KIAA1217: variants seen among roughly 807,000 people sequenced by gnomAD.
KIAA1217 encodes the protein sickle tail protein homolog.
KIAA1217 carries 88 observed loss-of-function variants against 163.9 expected under a neutral mutation model. That is an observed-to-expected ratio of 0.54 (90% CI 0.45 to 0.64). KIAA1217 has a LOEUF of 0.64. KIAA1217 is among the 30% of genes least tolerant of loss of function. The pLI, the probability that KIAA1217 is intolerant of heterozygous loss-of-function variation, is 0.00. For missense variants in KIAA1217, 2,372 were observed against 2,475.0 expected (o/e 0.96, Z 0.88); for synonymous variants, 903 against 923.1 (o/e 0.98, Z 0.39).
chr10:23,887,478 T>C (rs1046059079), intron 1 of KIAA1217, among the ~76,000 whole-genome samples: 1 of 151,884 alleles, frequency 6.6e-6, no homozygotes, highest in Non-Finnish European at 1.5e-5. Flanking sequence ...GTGAGGCTTT[T>C]CACATCTCTG....
chr10:23,962,311 G>C (rs1237729153), intron 1 of KIAA1217, among the ~76,000 whole-genome samples: 1 of 152,194 alleles, frequency 6.6e-6, no homozygotes, highest in African/African-American at 2.4e-5. Context: ...GGTATATGAA[G>C]TACCTACTTC....
At chr10:23,880,427 G>A (rs773135042) in intron 1 of KIAA1217, among the ~76,000 whole-genome samples, 5 of 151,924 alleles carry the variant, frequency 3.3e-5, no homozygotes, top group Non-Finnish European at 7.4e-5. Context: ...AGATAGAGTA[G>A]AAGGATGGTT....
chr10:23,816,517 T>C (rs1837321038), intron 1 of KIAA1217, among the ~76,000 whole-genome samples: 2 of 152,284 alleles, frequency 1.3e-5, no homozygotes, highest in Middle Eastern at 3.4e-3. Context: ...TGTCTCAAAC[T>C]CCTGGCCGGG....
intron 2 of KIAA1217, among the ~76,000 whole-genome samples, chr10:24,290,349 A>C (rs1012779729): frequency 6.6e-6 from 1 of 152,106 alleles, no homozygotes; most frequent in Non-Finnish European, 1.5e-5. Flanking sequence ...CTCTGAAAAC[A>C]TGATTTTAAT....
intron 2 of KIAA1217, among the ~76,000 whole-genome samples, chr10:24,372,619 G>A (rs535706258): frequency 6.6e-6 from 1 of 152,044 alleles, no homozygotes; most frequent in African/African-American, 2.4e-5. Flanking sequence ...AAACCTGCAC[G>A]CCAAAATAAA....
At chr10:23,797,601 G>C (rs1836267166) in intron 1 of KIAA1217, among the ~76,000 whole-genome samples, 1 of 152,144 alleles carries the variant, frequency 6.6e-6, no homozygotes, top group Non-Finnish European at 1.5e-5. Flanking sequence ...AATCATGGCG[G>C]AAGGTGAAGA....
At chr10:24,276,870 A>G (rs187105249) in intron 2 of KIAA1217, among the ~76,000 whole-genome samples, 1 of 152,096 alleles carries the variant, frequency 6.6e-6, no homozygotes, top group Non-Finnish European at 1.5e-5. Context: ...AGCCTCTCAA[A>G]GTGCTGGGAT....
At chr10:23,829,947 A>G (rs1214339223) in intron 1 of KIAA1217, among the ~76,000 whole-genome samples, 1 of 152,224 alleles carries the variant, frequency 6.6e-6, no homozygotes, top group Non-Finnish European at 1.5e-5. Context: ...GGAAGTAATT[A>G]GATCAAAGAA....
intron 2 of KIAA1217, among the ~76,000 whole-genome samples, chr10:24,054,298 C>T (rs112816897): frequency 1.3e-4 from 20 of 152,240 alleles, no homozygotes; most frequent in African/African-American, 3.4e-4. Context: ...ATCTAGAGAT[C>T]AGGGCAGGAC....
Position 24,547,227 on chromosome 10 carries a change from A to G in KIAA1217, c.*903A>G, listed in dbSNP as rs1210444136. 6.6e-6 allele frequency: 1 copy of G among 152,602 alleles called. No individual in the cohort carries two copies. Among genetic ancestry groups the G allele is most frequent in the African/African-American group, 2.4e-5 (1 of 41,436 alleles). The allele number at this position is 152,602 out of a possible 1,614,324, so 9.5% of individuals were successfully genotyped here. A position where few individuals can be genotyped will look rare whatever the true frequency, so the allele number is the denominator to read the frequency against. On this transcript the variant is annotated 3_prime_UTR_variant, in exon 21 of 21. Coordinates refer to ENST00000376454, the MANE Select transcript of KIAA1217 (RefSeq NM_019590.5). ...TAAACCGAAAAACTTTTGTAAATAT[A>G]TAAATATACATAGACATAAAAATAC...
At chr10:23,989,895 T>C (rs955298418) in intron 1 of KIAA1217, among the ~76,000 whole-genome samples, 2 of 152,178 alleles carry the variant, frequency 1.3e-5, no homozygotes, top group African/African-American at 2.4e-5. Flanking sequence ...GCCTCTTTTC[T>C]AGTCAGAAAA....
intron 2 of KIAA1217, among the ~76,000 whole-genome samples, chr10:24,255,905 C>G (rs1358997874): frequency 6.6e-6 from 1 of 152,016 alleles, no homozygotes; most frequent in African/African-American, 2.4e-5. Flanking sequence ...TTCTTTGATT[C>G]TACAGGATGT....
At chr10:24,474,536 G>C (rs2063811933) in intron 6 of KIAA1217, among the ~76,000 whole-genome samples, 2 of 152,178 alleles carry the variant, frequency 1.3e-5, no homozygotes, top group African/African-American at 4.8e-5. Flanking sequence ...TCTGGTTGTG[G>C]GAAGTGGAAA....
intron 2 of KIAA1217, among the ~76,000 whole-genome samples, chr10:24,127,361 G>A (rs2063504322): frequency 6.6e-6 from 1 of 152,140 alleles, no homozygotes; most frequent in African/African-American, 2.4e-5. Flanking sequence ...TTTTCAGGGA[G>A]TATATTGCAG....
chr10:23,748,881 G>A (rs1421122430), intron 1 of KIAA1217, among the ~76,000 whole-genome samples: 3 of 151,956 alleles, frequency 2.0e-5, no homozygotes, highest in Non-Finnish European at 2.9e-5. Context: ...CAAGTCTAGG[G>A]TAATGTCAGT....
chr10:24,278,864 T>TC (rs1447066264), intron 2 of KIAA1217, among the ~76,000 whole-genome samples: 1 of 151,358 alleles, frequency 6.6e-6, no homozygotes, highest in Non-Finnish European at 1.5e-5. Flanking sequence ...CTTTTTTTTT[T>TC]TTTTTTCTTG....
At chr10:23,846,146 A>T (rs894669868) in intron 1 of KIAA1217, among the ~76,000 whole-genome samples, 3 of 152,150 alleles carry the variant, frequency 2.0e-5, no homozygotes, top group African/African-American at 7.2e-5. Context: ...CTTGTAAGAT[A>T]GTTTGAAGTC....
chr10:24,383,415 G>C (rs1045066618), intron 3 of KIAA1217, among the ~76,000 whole-genome samples: 5 of 152,218 alleles, frequency 3.3e-5, no homozygotes, highest in Non-Finnish European at 2.9e-5. Flanking sequence ...GACTTGCTGG[G>C]TTCAGGAACC....
In KIAA1217 at chr10:23,790,783, G is replaced by C. The variant is rs144428360; in HGVS notation, c.-321+95549G>C. The stretch of plus-strand genomic sequence containing the variant: ...GGGTCTCCCTCTGTCACCCAGGCTG[G>C]AGTCCAGTGGCATGATCTTGATGCA... On this transcript the variant is annotated intron_variant, in intron 1 of 18. Transcript: ENST00000376462. Among the ~76,000 whole-genome samples, 174 of 151,396 alleles carry C rather than the reference G, an allele frequency of 1.1e-3. 2 individuals carry two copies. The East Asian group carries it at 0.032, about 28-fold the overall frequency.
Sources: gnomAD v4.1 joint callset for allele counts (sites outside exome capture counted in the v4.1 genomes callset) on GRCh38, gnomAD v4.1.1 for gene constraint, MANE v1.5 for transcripts, NCBI Gene and HGNC (gene_info 2026-07-23, HGNC 2026-07-21) for gene names.